MROH9: variants seen among roughly 807,000 people sequenced by gnomAD.
The protein encoded by MROH9 is maestro heat like repeat family member 9.
Under a neutral mutation model 98.2 loss-of-function variants are expected in MROH9, and 92 were observed. The observed-to-expected ratio is 0.94, with a 90% CI of 0.79 to 1.11. The LOEUF (loss-of-function observed/expected upper bound fraction) is 1.11, where lower values mean the gene tolerates loss of function less well. Ranked by LOEUF, MROH9 falls within the 50% of genes most tolerant of loss-of-function variation. The pLI is 0.00. For synonymous variants in MROH9, 397 were observed against 368.9 expected (o/e 1.08, Z -0.87); for missense variants, 1,057 against 1,014.8 (o/e 1.04, Z -0.57).
Position 171,024,704 on chromosome 1 carries a change from G to T in MROH9, c.2117G>T (p.Arg706Leu). The T allele has an allele frequency of 6.4e-7, 1 of 1,551,158 alleles. No individual in the cohort carries two copies. The highest frequency in any genetic ancestry group is 8.7e-7 in the Non-Finnish European group (1 of 1,146,744). ...TCACAATTAAAGTGGTCAACATCAC[G>T]TTTGCTCAAAGATGAAAATTACAGT... ...CTSQLKWSTSRLLKDENYSFE... is the reference protein window; with the variant it reads ...CTSQLKWSTSLLLKDENYSFE... Residue 706 changes from arginine (R) to leucine (L), a missense_variant, in exon 19 of 22, where the codon CGT (arginine) becomes CTT (leucine). Transcript: ENST00000367759.
At chr1:170,967,378 T>G (rs1165793457) in intron 7 of MROH9, among the ~76,000 whole-genome samples, 1 of 152,166 alleles carries the variant, frequency 6.6e-6, no homozygotes, top group Non-Finnish European at 1.5e-5. Context: ...GTAAAGATGA[T>G]TAAGCCTGTG....
At position 171,044,972 on chromosome 1, in the gene MROH9, CTTTTTTTTTTTTTTTTTTTTTTTTTTT is replaced by C. The variant is rs754332732; in HGVS notation, c.2282-17139_2282-17113del. On this transcript the variant is annotated intron_variant, in intron 20 of 21. Transcript: ENST00000367759. ...CAATTCCATTTATTTCTGCTCTGAT[CTTTTTTTTTTTTTTTTTTTTTTTTTTT>C]TTTTTTTTTTTTTTTTTTTTGAGAT... 9.0e-4 allele frequency among the ~76,000 whole-genome samples: 41 copies of C among 45,710 alleles called. 1 individual carries two copies. Among genetic ancestry groups the C allele is most frequent in the East Asian group, 1.9e-3 (2 of 1,066 alleles). 30.0% of individuals were successfully genotyped at this position (45,710 alleles called of 152,430 possible).
At chr1:171,012,691 G>T (rs1652196409) in intron 15 of MROH9, among the ~76,000 whole-genome samples, 1 of 151,864 alleles carries the variant, frequency 6.6e-6, no homozygotes. Context: ...TTTTAGTAGA[G>T]ACGGGGTTTC....
chr1:171,037,157 A>G (rs1380011479), intron 20 of MROH9, among the ~76,000 whole-genome samples: 1 of 151,922 alleles, frequency 6.6e-6, no homozygotes, highest in African/African-American at 2.4e-5. Context: ...TCATTAAAAA[A>G]TACAGTGAAA....
At chr1:170,998,689 G>A in intron 15 of MROH9, 1 of 1,074,422 alleles carries the variant, frequency 9.3e-7, no homozygotes, top group African/African-American at 1.7e-5. Context: ...GTAAAATGAA[G>A]ATGTGGAACC....
In MROH9 at chr1:171,020,571, T is replaced by G. The variant is rs188333606; in HGVS notation, c.1909-3824T>G. On this transcript the variant is annotated intron_variant, in intron 17 of 21. Coordinates refer to ENST00000367759, the MANE Select transcript of MROH9 (RefSeq NM_001163629.2). ...TTCGATAAAATTCAACATTCCTTCA[T>G]GTTAAAAACTCTCAATAAACCTGGT... Among the ~76,000 whole-genome samples the G allele has an allele frequency of 4.6e-5, 7 of 151,970 alleles. No individual in the cohort carries two copies. In the East Asian group the frequency reaches 1.4e-3, roughly 29 times the overall value.
At chr1:171,008,817 C>T (rs1387157411) in intron 15 of MROH9, among the ~76,000 whole-genome samples, 1 of 152,036 alleles carries the variant, frequency 6.6e-6, no homozygotes, top group East Asian at 1.9e-4. Context: ...AGAGTAACTT[C>T]CAGGAGATGT....
Position 170,998,229 on chromosome 1 carries a change from T to C in MROH9, c.1551T>C (p.Pro517=), listed in dbSNP as rs949317929. The change falls in exon 15 of 22, where the codon CCT becomes CCC. Residue 517 remains proline (P), a synonymous_variant. Coordinates refer to ENST00000367759, the MANE Select transcript of MROH9 (RefSeq NM_001163629.2). ...TCTATAAGCTCTCAGTAGAAGGTCCTAGAAGGTCAGAAGACACTGTCATCG... is the reference window on the plus strand; with the variant it reads ...TCTATAAGCTCTCAGTAGAAGGTCCCAGAAGGTCAGAAGACACTGTCATCG... ...SYLYKLSVEG[P]RRSEDTVIVL... is the part of the protein sequence containing the mutation. The C allele has an allele frequency of 9.3e-6, 15 of 1,613,332 alleles. No individual in the cohort carries two copies. Among genetic ancestry groups the C allele is most frequent in the African/African-American group, 1.3e-5 (1 of 74,892 alleles).
At chr1:170,975,532 T>C (rs949744721) in intron 8 of MROH9, among the ~76,000 whole-genome samples, 2 of 152,178 alleles carry the variant, frequency 1.3e-5, no homozygotes, top group Non-Finnish European at 2.9e-5. Flanking sequence ...TTAGGTCCTT[T>C]CTCATCCCTC....
chr1:170,955,430 C>T (rs1649722540), intron 3 of MROH9, among the ~76,000 whole-genome samples: 1 of 152,160 alleles, frequency 6.6e-6, no homozygotes. Flanking sequence ...CTTTACATTT[C>T]CACCAGCAGT....
intron 8 of MROH9, among the ~76,000 whole-genome samples, chr1:170,976,854 T>G (rs1391430923): frequency 6.6e-6 from 1 of 152,162 alleles, no homozygotes; most frequent in Non-Finnish European, 1.5e-5. Context: ...CTCCATCTAT[T>G]GCAGGGATGC....
intron 2 of MROH9, 34 bp downstream of exon 2, chr1:170,945,615 G>C: frequency 6.3e-7 from 1 of 1,599,688 alleles, no homozygotes; most frequent in Non-Finnish European, 8.5e-7. Context: ...GATGGGAGAA[G>C]GTATTTTTGT....
At chr1:170,955,529 G>T (rs964000813) in intron 3 of MROH9, among the ~76,000 whole-genome samples, 6 of 152,074 alleles carry the variant, frequency 3.9e-5, no homozygotes, top group Admixed American at 3.9e-4. Flanking sequence ...GAGTAAGGTG[G>T]TATTGCATTA....
intron 8 of MROH9, among the ~76,000 whole-genome samples, chr1:170,977,133 T>G (rs1289980697): frequency 6.6e-6 from 1 of 152,218 alleles, no homozygotes; most frequent in Admixed American, 6.5e-5. Flanking sequence ...AGTCAGCTCC[T>G]GTATCATTTT....
chr1:170,947,748 G>C (rs1649389169), intron 3 of MROH9, among the ~76,000 whole-genome samples, 175 bp downstream of exon 3: 1 of 151,990 alleles, frequency 6.6e-6, no homozygotes, highest in African/African-American at 2.4e-5. Context: ...TGTCCCTGCA[G>C]CGTCATTTCT....
At chr1:171,060,628 A>G (rs1408399143) in intron 20 of MROH9, among the ~76,000 whole-genome samples, 2 of 152,204 alleles carry the variant, frequency 1.3e-5, no homozygotes, top group African/African-American at 4.8e-5. Context: ...TCTAGGTGAC[A>G]CTGCCGAACA....
chr1:171,024,739 G>T lies in MROH9; in HGVS notation c.2152G>T (p.Val718Leu). ...LKDENYSFEM[V>L]VLNICNNLII... is the part of the protein sequence containing the mutation. ...AGATGAAAATTACAGTTTTGAGATGGTGGTGCTCAATATCTGTAACAATCT... is the reference window on the plus strand; with the variant it reads ...AGATGAAAATTACAGTTTTGAGATGTTGGTGCTCAATATCTGTAACAATCT... The change falls in exon 19 of 22, where the codon GTG becomes TTG. Residue 718 changes from valine (V) to leucine (L), a missense_variant. Transcript: ENST00000367759. 6.5e-7 allele frequency: 1 copy of T among 1,549,070 alleles called. No homozygotes were observed. The highest frequency in any genetic ancestry group is 1.2e-5 in the South Asian group (1 of 84,000).
chr1:170,937,583 G>A (rs532902582), intron 1 of MROH9, among the ~76,000 whole-genome samples: 17 of 146,060 alleles, frequency 1.2e-4, no homozygotes, highest in South Asian at 4.4e-4. Flanking sequence ...GTGCAGTGGC[G>A]GGATCTCGGC....
At chr1:170,993,164 A>G (rs976649546) in intron 12 of MROH9, among the ~76,000 whole-genome samples, 29 of 152,282 alleles carry the variant, frequency 1.9e-4, no homozygotes, top group Non-Finnish European at 3.4e-4. Flanking sequence ...CCAAACTGTA[A>G]TGACAGGTTT....
Sources: allele counts gnomAD v4.1 joint callset (sites outside exome capture counted in the v4.1 genomes callset), GRCh38; gene constraint gnomAD v4.1.1; transcripts MANE v1.5; gene names NCBI Gene and HGNC (gene_info 2026-07-23, HGNC 2026-07-21).